The following CADPS variants were observed in gnomAD, a reference collection of about 807,000 sequenced individuals.
The protein encoded by CADPS is calcium-dependent secretion activator 1.
A neutral mutation model predicts 167.3 loss-of-function variants in CADPS; 57 were observed. The ratio of observed to expected loss-of-function variants is 0.34; its 90% CI spans 0.28 to 0.42. The LOEUF (loss-of-function observed/expected upper bound fraction) is 0.42. CADPS is among the 20% of genes least tolerant of loss of function. The pLI, the probability that CADPS is intolerant of heterozygous loss-of-function variation, is 1.00. For missense variants in CADPS, 1,414 were observed against 1,738.1 expected, an observed-to-expected ratio of 0.81 and a Z score of 3.32; for synonymous variants, 676 against 635.3, an observed-to-expected ratio of 1.06 and a Z score of -0.96.
rs1211458493 is a variant in CADPS at position 62,874,622 on chromosome 3, C to G, written c.408G>C (p.Lys136Asn). ...MRCIAYPFNA[K>N]QPTDMARRQQ... ...GCCGGCGAGCCATGTCGGTGGGCTG[C>G]TTGGCATTAAAGGGGTAGGCGATGC... Residue 136 changes from lysine to asparagine, a missense_variant, in exon 1 of 30, where the codon AAG (lysine) becomes AAC (asparagine). This residue lies in a region of CADPS where 522 missense variants were observed against 559.5 expected (regional missense o/e 0.93). Transcript: ENST00000383710. The surrounding 1 kb of genome is among the most constrained non-coding windows in gnomAD (Gnocchi z 7.1). 2 of 1,560,014 alleles carry G rather than the reference C, an allele frequency of 1.3e-6. No homozygotes were observed. The highest frequency in any genetic ancestry group is 1.7e-6 in the Non-Finnish European group (2 of 1,151,280).
intron 3 of CADPS, among the ~76,000 whole-genome samples, chr3:62,709,890 C>A (rs1208701771): frequency 1.3e-5 from 2 of 151,958 alleles, no homozygotes; most frequent in Non-Finnish European, 2.9e-5. Context: ...ATCCCTCAGC[C>A]TCCCGAGTGG....
intron 28 of CADPS, among the ~76,000 whole-genome samples, chr3:62,418,597 TC>T: frequency 6.7e-6 from 1 of 148,944 alleles, no homozygotes; most frequent in East Asian, 2.0e-4. Context: ...AGCCTCAGCC[TC>T]CCAAAGTGCT....
At chr3:62,631,679 T>A (rs2065300876) in intron 6 of CADPS, among the ~76,000 whole-genome samples, 2 of 152,100 alleles carry the variant, frequency 1.3e-5, no homozygotes, top group South Asian at 4.1e-4. Flanking sequence ...ATGGAGCAAA[T>A]TGAGATTGCT....
intron 1 of CADPS, among the ~76,000 whole-genome samples, chr3:62,870,886 A>G (rs2082519804): frequency 6.6e-6 from 1 of 152,164 alleles, no homozygotes; most frequent in Middle Eastern, 3.2e-3. Context: ...TAGCTTTGCC[A>G]TGCCAACTTC....
intron 7 of CADPS, among the ~76,000 whole-genome samples, chr3:62,590,896 C>T (rs2085845190): frequency 6.6e-6 from 1 of 151,792 alleles, no homozygotes; most frequent in African/African-American, 2.4e-5. Context: ...CTCCTGTTGC[C>T]CAGGCTAGAG....
chr3:62,845,966 A>AG (rs2077359869), intron 1 of CADPS, among the ~76,000 whole-genome samples: 1 of 152,038 alleles, frequency 6.6e-6, no homozygotes, highest in African/African-American at 2.4e-5. Context: ...TGATTGGTTT[A>AG]GGGGGGTAGA....
intron 28 of CADPS, among the ~76,000 whole-genome samples, chr3:62,427,584 G>A (rs1398101517): frequency 2.0e-5 from 3 of 151,974 alleles, no homozygotes; most frequent in Non-Finnish European, 2.9e-5. Flanking sequence ...CCCAACCCCC[G>A]AGTTGTAGCA....
At chr3:62,419,162 G>A (rs938357958) in intron 28 of CADPS, among the ~76,000 whole-genome samples, 4 of 152,098 alleles carry the variant, frequency 2.6e-5, no homozygotes, top group South Asian at 2.1e-4. Flanking sequence ...TCTCAGTTCC[G>A]ACCATTTCTT....
At position 62,499,176 on chromosome 3, in the gene CADPS, C is replaced by G; in HGVS notation, c.2692G>C (p.Glu898Gln). 1.2e-6 allele frequency: 2 copies of G among 1,611,606 alleles called. No individual in the cohort carries two copies. The highest frequency in any genetic ancestry group is 1.7e-6 in the Non-Finnish European group (2 of 1,177,800). ...LVIEVLQQNE[E>Q]HHAEPHVDKG... The stretch of plus-strand genomic sequence containing the variant: ...AGCCTGCTCACCTCTGCGTGGTGCT[C>G]CTCATTTTGCTGAAGAACTTCAATG... Residue 898 changes from glutamate (E) to glutamine (Q), a missense_variant, in exon 18 of 30, where the codon GAG becomes CAG. Transcript: ENST00000383710.
chr3:62,670,114 C>T (rs2075249101), intron 3 of CADPS, among the ~76,000 whole-genome samples: 1 of 152,112 alleles, frequency 6.6e-6, no homozygotes, highest in Admixed American at 6.6e-5. Context: ...GATGCTTAAC[C>T]TCTCGGAGCA....
At chr3:62,852,326 G>A (rs1021136915) in intron 1 of CADPS, among the ~76,000 whole-genome samples, 3 of 152,070 alleles carry the variant, frequency 2.0e-5, no homozygotes, top group Admixed American at 6.6e-5. Context: ...GAGGAACTGC[G>A]TTCCTCAGAT....
chr3:62,582,349 G>C (rs529195142), intron 8 of CADPS, among the ~76,000 whole-genome samples: 1 of 152,184 alleles, frequency 6.6e-6, no homozygotes. Flanking sequence ...GGGAAGCTGA[G>C]GTGGGAGGAT....
chr3:62,700,245 A>AAT (rs1323722618), intron 3 of CADPS, among the ~76,000 whole-genome samples: 3 of 152,106 alleles, frequency 2.0e-5, no homozygotes, highest in Non-Finnish European at 4.4e-5. Context: ...CAAGAGGTGG[A>AAT]GCTTAATTCT....
At chr3:62,502,886 T>C (rs2066007921) in intron 17 of CADPS, among the ~76,000 whole-genome samples, 1 of 151,622 alleles carries the variant, frequency 6.6e-6, no homozygotes, top group South Asian at 2.1e-4. Context: ...AAAGACAAAG[T>C]GACTTTAACA....
intron 28 of CADPS, among the ~76,000 whole-genome samples, chr3:62,432,106 T>C (rs1406611): frequency 0.1 from 15,450 of 152,108 alleles, 1,090 homozygotes; most frequent in Admixed American, 0.25. Context: ...GGCAATGCAG[T>C]GTAGTTTTGT....
intron 1 of CADPS, among the ~76,000 whole-genome samples, chr3:62,795,746 A>G (rs113049806): frequency 9.2e-5 from 14 of 152,274 alleles, no homozygotes; most frequent in African/African-American, 3.4e-4. Context: ...TTTCCACAGA[A>G]CCTTCTGTCT....
intron 1 of CADPS, among the ~76,000 whole-genome samples, chr3:62,870,064 T>C (rs986776219): frequency 7.2e-5 from 11 of 152,170 alleles, no homozygotes; most frequent in Non-Finnish European, 1.0e-4. Flanking sequence ...GAACCTTTCA[T>C]GGTATTCCGC....
chr3:62,842,960 T>C (rs972991764), intron 1 of CADPS, among the ~76,000 whole-genome samples: 14 of 152,226 alleles, frequency 9.2e-5, no homozygotes, highest in African/African-American at 3.4e-4. Context: ...TTCATTTTCT[T>C]TCTAGTCTCT....
At chr3:62,731,762 C>T (rs575487835) in intron 3 of CADPS, among the ~76,000 whole-genome samples, 74 of 136,094 alleles carry the variant, frequency 5.4e-4, no homozygotes, top group African/African-American at 2.0e-3. Context: ...CTAGCTCCTG[C>T]CCTCATGGAG....
Sources: allele counts gnomAD v4.1 joint callset (sites outside exome capture counted in the v4.1 genomes callset), GRCh38; gene constraint gnomAD v4.1.1; regional missense constraint gnomAD v4.1.1; non-coding constraint Gnocchi (gnomAD v3.1); transcripts MANE v1.5; gene names NCBI Gene and HGNC (gene_info 2026-07-23, HGNC 2026-07-21).